Variants in ADCY8 observed in about 807,000 individuals in gnomAD.
ADCY8 encodes the protein adenylate cyclase 8, also known as adenylate cyclase type 8.
Under a neutral mutation model 119.7 loss-of-function variants are expected in ADCY8, and 51 were observed. That is an observed-to-expected ratio of 0.43 (90% CI 0.34 to 0.54). The LOEUF (loss-of-function observed/expected upper bound fraction) is 0.54. Among genes scored for constraint, ADCY8 ranks in the 20% least tolerant of loss-of-function variants. The pLI, the probability that ADCY8 is intolerant of heterozygous loss-of-function variation, is 0.03. For missense variants in ADCY8, 1,383 were observed against 1,598.8 expected, an observed-to-expected ratio of 0.87 and a Z score of 2.30; for synonymous variants, 665 against 651.0, an observed-to-expected ratio of 1.02 and a Z score of -0.33.
intron 1 of ADCY8, among the ~76,000 whole-genome samples, chr8:131,012,279 C>A (rs1009724177): frequency 6.6e-6 from 1 of 152,122 alleles, no homozygotes; most frequent in Non-Finnish European, 1.5e-5. Flanking sequence ...AGGCTCAGAG[C>A]ACTCAGAGGT....
intron 1 of ADCY8, among the ~76,000 whole-genome samples, chr8:131,017,091 A>G (rs745935031): frequency 2.2e-4 from 32 of 147,386 alleles, no homozygotes; most frequent in Non-Finnish European, 4.6e-4. Flanking sequence ...TTTTTTTGAG[A>G]TGGAGTCTCA....
chr8:131,004,354 T>G (rs556626483), intron 1 of ADCY8, among the ~76,000 whole-genome samples: 1 of 152,274 alleles, frequency 6.6e-6, no homozygotes, highest in Admixed American at 6.5e-5. Context: ...CCACTCCACC[T>G]CCCATGCTTT....
chr8:130,871,964 GCA>G (rs141268590), intron 8 of ADCY8, among the ~76,000 whole-genome samples: 20 of 151,344 alleles, frequency 1.3e-4, no homozygotes, highest in African/African-American at 2.7e-4. Context: ...ACACGCACGT[GCA>G]CACACACACA....
chr8:130,858,043 T>G (rs1327764037), intron 9 of ADCY8, among the ~76,000 whole-genome samples: 1 of 152,238 alleles, frequency 6.6e-6, no homozygotes, highest in Non-Finnish European at 1.5e-5. Context: ...TTCTATAATG[T>G]GGCTCCTGCA....
intron 1 of ADCY8, among the ~76,000 whole-genome samples, chr8:131,010,087 G>A (rs919015538): frequency 2.0e-5 from 3 of 152,198 alleles, no homozygotes; most frequent in African/African-American, 7.2e-5. Flanking sequence ...CACCTAACTT[G>A]CCCAAGAATT....
chr8:130,957,686 C>T (rs189770238), intron 2 of ADCY8, among the ~76,000 whole-genome samples: 212 of 152,298 alleles, frequency 1.4e-3, no homozygotes, highest in Middle Eastern at 0.01. Context: ...GGTCCCCATA[C>T]TGTGTGCAGC....
intron 17 of ADCY8, among the ~76,000 whole-genome samples, chr8:130,783,142 T>C (rs1245683715): frequency 6.6e-6 from 1 of 152,150 alleles, no homozygotes; most frequent in Non-Finnish European, 1.5e-5. Context: ...AGGATTATTA[T>C]TGATTGCAGT....
intron 2 of ADCY8, among the ~76,000 whole-genome samples, chr8:130,952,509 G>A (rs1821303963): frequency 6.6e-6 from 1 of 152,172 alleles, no homozygotes; most frequent in Non-Finnish European, 1.5e-5. Context: ...GCAGAAATGA[G>A]CAATGGTGTG....
intron 9 of ADCY8, among the ~76,000 whole-genome samples, chr8:130,862,902 G>T (rs72712495): frequency 1.3e-5 from 2 of 152,054 alleles, no homozygotes; most frequent in Non-Finnish European, 2.9e-5. Context: ...GTGTATTATG[G>T]CCCAGAATGG....
At chr8:130,820,307 A>G (rs1290164858) in intron 13 of ADCY8, among the ~76,000 whole-genome samples, 1 of 151,942 alleles carries the variant, frequency 6.6e-6, no homozygotes, top group Non-Finnish European at 1.5e-5. Context: ...CTCCATTTCC[A>G]TGGTGATTTC....
chr8:130,907,109 T>C (rs978398913), intron 6 of ADCY8, among the ~76,000 whole-genome samples: 1 of 152,070 alleles, frequency 6.6e-6, no homozygotes, highest in Non-Finnish European at 1.5e-5. Context: ...GGACTTTATA[T>C]GCATTATTTC....
chr8:130,972,536 G>T (rs1821953652), intron 2 of ADCY8, among the ~76,000 whole-genome samples: 1 of 152,052 alleles, frequency 6.6e-6, no homozygotes, highest in Admixed American at 6.6e-5. Flanking sequence ...AACTTAAAAA[G>T]ACCCAAAATA....
At chr8:130,888,717 T>C (rs1368028564) in intron 7 of ADCY8, among the ~76,000 whole-genome samples, 2 of 152,086 alleles carry the variant, frequency 1.3e-5, no homozygotes, top group Non-Finnish European at 1.5e-5. Flanking sequence ...CCTTTGTAAA[T>C]TGCATTTGAA....
intron 5 of ADCY8, among the ~76,000 whole-genome samples, chr8:130,924,905 T>C (rs1820415570): frequency 6.6e-6 from 1 of 151,956 alleles, no homozygotes. Context: ...TGGGATATAG[T>C]TAGTGTTTAA....
At chr8:130,978,539 A>G (rs557606358) in intron 2 of ADCY8, among the ~76,000 whole-genome samples, 1 of 152,312 alleles carries the variant, frequency 6.6e-6, no homozygotes, top group Admixed American at 6.5e-5. Context: ...CATTTGATAC[A>G]GTGTTAGTGA....
At chr8:130,946,773 C>T (rs919965886) in intron 3 of ADCY8, among the ~76,000 whole-genome samples, 9 of 152,172 alleles carry the variant, frequency 5.9e-5, no homozygotes, top group Non-Finnish European at 1.0e-4. Flanking sequence ...AGAGCATGGT[C>T]ATGGCCCCCA....
intron 14 of ADCY8, among the ~76,000 whole-genome samples, chr8:130,806,355 C>T (rs1368554449): frequency 1.3e-5 from 2 of 152,194 alleles, no homozygotes; most frequent in East Asian, 3.9e-4. Context: ...CACAGCTTCC[C>T]ACAATTGCTG....
chr8:130,827,543 G>T (rs1816704129), intron 12 of ADCY8, among the ~76,000 whole-genome samples: 1 of 152,186 alleles, frequency 6.6e-6, no homozygotes, highest in South Asian at 2.1e-4. Flanking sequence ...TCTGCTGCTG[G>T]CCAGTCTTTT....
chr8:130,898,252 C>A (rs1276027044), intron 7 of ADCY8, among the ~76,000 whole-genome samples: 1 of 133,142 alleles, frequency 7.5e-6, no homozygotes, highest in South Asian at 2.5e-4. Flanking sequence ...ATCACACTTA[C>A]CCTGTAAGGT....
Sources: allele counts gnomAD v4.1 joint callset (sites outside exome capture counted in the v4.1 genomes callset), GRCh38; gene constraint gnomAD v4.1.1; transcripts MANE v1.5; gene names NCBI Gene and HGNC (gene_info 2026-07-23, HGNC 2026-07-21).